Variants in ZNF670 observed in about 807,000 individuals in gnomAD.
ZNF670 encodes the protein zinc finger protein 670.
ZNF670 carries 7 observed loss-of-function variants against 10.9 expected under a neutral mutation model. The observed-to-expected ratio is 0.64, with a 90% CI of 0.36 to 1.20. The LOEUF (loss-of-function observed/expected upper bound fraction) is 1.20. ZNF670 is among the 50% of genes most tolerant of loss of function. The probability of loss-of-function intolerance (pLI) is 0.02; values close to 1 mark genes in which losing one functional copy is unlikely to be tolerated. For synonymous variants in ZNF670, 136 were observed against 152.7 expected (o/e 0.89, Z 0.81); for missense variants, 446 against 458.6 (o/e 0.97, Z 0.25).
chr1:247,051,509 C>T (rs761949571), intron 1 of ZNF670, among the ~76,000 whole-genome samples: 11 of 152,104 alleles, frequency 7.2e-5, no homozygotes, highest in Non-Finnish European at 1.5e-4. Flanking sequence ...GTTTTCCTTC[C>T]TAGGTTAAAT....
At chr1:247,061,904 A>G (rs932626776) in intron 1 of ZNF670, among the ~76,000 whole-genome samples, 1 of 152,210 alleles carries the variant, frequency 6.6e-6, no homozygotes, top group South Asian at 2.1e-4. Context: ...AAACAAAATG[A>G]TAAGGGTGAT....
intron 1 of ZNF670, among the ~76,000 whole-genome samples, chr1:247,042,374 G>A (rs1432961747): frequency 2.0e-5 from 3 of 152,230 alleles, no homozygotes; most frequent in Non-Finnish European, 2.9e-5. Flanking sequence ...TACTAAGTGC[G>A]ATGGTCACGG....
chr1:247,037,170 T>C lies in ZNF670; in HGVS notation c.*279A>G, dbSNP rs1448900648. On this transcript the variant is annotated 3_prime_UTR_variant, in exon 4 of 4. Coordinates refer to ENST00000366503, the MANE Select transcript of ZNF670 (RefSeq NM_033213.5). Reference sequence around the variant, plus strand: ...AAATCTAAAGTATAGACACCTTCTTTAACAATGAACCACTGATAAAAATAT... The same window carrying C: ...AAATCTAAAGTATAGACACCTTCTTCAACAATGAACCACTGATAAAAATAT... The C allele has an allele frequency of 3.1e-6, 1 of 325,938 alleles. No homozygotes were observed. The highest frequency in any genetic ancestry group is 5.5e-6 in the Non-Finnish European group (1 of 180,680). The allele number at this position is 325,938 out of a possible 1,614,324, so 20.2% of individuals were successfully genotyped here. A position where few individuals can be genotyped will look rare whatever the true frequency, so the allele number is the denominator to read the frequency against.
intron 1 of ZNF670, among the ~76,000 whole-genome samples, chr1:247,069,894 T>TA (rs1671076191): frequency 1.3e-5 from 2 of 152,070 alleles, no homozygotes; most frequent in Non-Finnish European, 2.9e-5. Flanking sequence ...AATGCGTATT[T>TA]AAAAAACAGA....
At chr1:247,051,977 G>T (rs546903510) in intron 1 of ZNF670, among the ~76,000 whole-genome samples, 2 of 147,004 alleles carry the variant, frequency 1.4e-5, no homozygotes, top group Non-Finnish European at 3.0e-5. Flanking sequence ...AGATTTTTTC[G>T]TCCATGTCCT....
intron 1 of ZNF670, among the ~76,000 whole-genome samples, chr1:247,054,194 G>T (rs1670665006): frequency 6.6e-6 from 1 of 152,176 alleles, no homozygotes; most frequent in Non-Finnish European, 1.5e-5. Context: ...TCAACACCAG[G>T]GGCTAAAGTG....
intron 1 of ZNF670, among the ~76,000 whole-genome samples, chr1:247,063,023 A>G (rs567406386): frequency 6.6e-6 from 1 of 152,350 alleles, no homozygotes; most frequent in African/African-American, 2.4e-5. Context: ...GCCCAAAGAC[A>G]TTCTGATGAA....
chr1:247,074,334 G>A (rs1013789731), intron 1 of ZNF670, among the ~76,000 whole-genome samples: 2 of 151,740 alleles, frequency 1.3e-5, no homozygotes, highest in Admixed American at 6.6e-5. Flanking sequence ...TGCCTCTCCT[G>A]TGAACAGGCT....
At chr1:247,046,674 A>T (rs4971315) in intron 1 of ZNF670, among the ~76,000 whole-genome samples, 49,592 of 152,000 alleles carry the variant, frequency 0.33, 8,919 homozygotes, top group African/African-American at 0.46. Context: ...TGTGAGGATG[A>T]AGCCCCCACA....
At chr1:247,043,714 C>A in intron 1 of ZNF670, 2 of 454,736 alleles carry the variant, frequency 4.4e-6, no homozygotes, top group Non-Finnish European at 4.3e-6. Flanking sequence ...AGAAATCAAT[C>A]ATTTACCGCA....
At chr1:247,043,744 C>T (rs1670373994) in intron 1 of ZNF670, 1 of 407,362 alleles carries the variant, frequency 2.5e-6, no homozygotes, top group Non-Finnish European at 4.8e-6. Flanking sequence ...TAGCGTTCAT[C>T]CTAAAACAGG....
At chr1:247,044,805 G>A (rs1018524278) in intron 1 of ZNF670, among the ~76,000 whole-genome samples, 1 of 152,126 alleles carries the variant, frequency 6.6e-6, no homozygotes, top group Non-Finnish European at 1.5e-5. Flanking sequence ...GCCTACCTGA[G>A]GGGGAGAATG....
Position 247,038,250 on chromosome 1 carries a change from C to T in ZNF670, c.369G>A (p.Leu123=). The T allele has an allele frequency of 6.2e-7, 1 of 1,614,178 alleles. No homozygotes were observed. The highest frequency in any genetic ancestry group is 8.5e-7 in the Non-Finnish European group (1 of 1,180,014). ...ICHSALHRHI[L]SHIGNKLFEC... is the part of the protein sequence containing the mutation. Reference sequence around the variant, plus strand: ...CAAATAGTTTGTTTCCAATGTGAGACAGGATGTGCCTATGAAGGGCTGAAT... The same window carrying T: ...CAAATAGTTTGTTTCCAATGTGAGATAGGATGTGCCTATGAAGGGCTGAAT... The change falls in exon 4 of 4, where the codon CTG becomes CTA. Residue 123 remains leucine, a synonymous_variant. Transcript: ENST00000366503.
chr1:247,040,149 T>C (rs1270805961), intron 1 of ZNF670, among the ~76,000 whole-genome samples: 1 of 152,242 alleles, frequency 6.6e-6, no homozygotes, highest in Non-Finnish European at 1.5e-5. Flanking sequence ...ATTAAGTCTC[T>C]AATGAGCATT....
intron 1 of ZNF670, among the ~76,000 whole-genome samples, chr1:247,069,862 T>G (rs1671075423): frequency 6.6e-6 from 1 of 152,114 alleles, no homozygotes; most frequent in South Asian, 2.1e-4. Flanking sequence ...TCAGGGGGAC[T>G]AGGGAAGAGG....
At chr1:247,072,231 G>C (rs1232615642) in intron 1 of ZNF670, among the ~76,000 whole-genome samples, 2 of 151,346 alleles carry the variant, frequency 1.3e-5, no homozygotes, top group Non-Finnish European at 2.9e-5. Flanking sequence ...GCTCACTGCA[G>C]CCTGGAACTC....
intron 1 of ZNF670, among the ~76,000 whole-genome samples, chr1:247,054,179 G>A (rs775461157): frequency 7.9e-5 from 12 of 152,148 alleles, no homozygotes; most frequent in Non-Finnish European, 1.5e-4. Context: ...GAGTTCTAGC[G>A]GGCCTCAACA....
Position 247,078,794 on chromosome 1 carries a change from C to T in ZNF670, c.-198G>A. 1 of 602,582 alleles carries T rather than the reference C, an allele frequency of 1.7e-6. No homozygotes were observed. The highest frequency in any genetic ancestry group is 2.9e-6 in the Non-Finnish European group (1 of 342,570). The allele number at this position is 602,582 out of a possible 1,614,324, so 37.3% of individuals were successfully genotyped here. ...GGTCCCGGAAGCTGCTCCCTCCTTT[C>T]GCGGCGCGCTTGAGAGTACAGTCCC... On this transcript the variant is annotated 5_prime_UTR_variant, in exon 1 of 4. Transcript: ENST00000366503.
intron 1 of ZNF670, among the ~76,000 whole-genome samples, chr1:247,047,023 C>T (rs910049862): frequency 6.6e-6 from 1 of 152,266 alleles, no homozygotes; most frequent in Non-Finnish European, 1.5e-5. Flanking sequence ...CCAGGTCCTG[C>T]TGATGCAAGA....
Sources: allele counts gnomAD v4.1 joint callset (sites outside exome capture counted in the v4.1 genomes callset), GRCh38; gene constraint gnomAD v4.1.1; transcripts MANE v1.5; gene names NCBI Gene and HGNC (gene_info 2026-07-23, HGNC 2026-07-21).